The following MTFR1 variants were observed in gnomAD, a reference collection of about 807,000 sequenced individuals.
The protein encoded by MTFR1 is mitochondrial fission regulator 1.
MTFR1 carries 28 observed loss-of-function variants against 38.8 expected under a neutral mutation model. The observed-to-expected ratio is 0.72, with a 90% CI of 0.53 to 0.99. MTFR1 has a LOEUF of 0.99. Among genes scored for constraint, MTFR1 ranks in the 50% least tolerant of loss-of-function variants. The pLI, the probability that MTFR1 is intolerant of heterozygous loss-of-function variation, is 0.00. For missense variants in MTFR1, 358 were observed against 395.5 expected (o/e 0.91, Z 0.81); for synonymous variants, 145 against 137.0 (o/e 1.06, Z -0.41).
intron 3 of MTFR1, among the ~76,000 whole-genome samples, chr8:65,750,245 GCCGACACA>G (rs1261059849): frequency 6.6e-6 from 1 of 152,160 alleles, no homozygotes; most frequent in Non-Finnish European, 1.5e-5. Flanking sequence ...ATGCATTAGA[GCCGACACA>G]CTTAGAAAAC....
chr8:65,644,945 G>A (rs1355014176), intron 1 of MTFR1, among the ~76,000 whole-genome samples, 161 bp downstream of exon 1: 1 of 152,216 alleles, frequency 6.6e-6, no homozygotes, highest in Non-Finnish European at 1.5e-5. Context: ...CCGGTTGAGT[G>A]TTTGCCCCGC....
At chr8:65,698,448 G>A (rs925919427) in intron 4 of MTFR1, among the ~76,000 whole-genome samples, 3 of 151,694 alleles carry the variant, frequency 2.0e-5, no homozygotes, top group African/African-American at 4.8e-5. Flanking sequence ...CCTTAAATTC[G>A]TGATTCTTTT....
intron 3 of MTFR1, among the ~76,000 whole-genome samples, chr8:65,731,321 G>A (rs1229877090): frequency 1.3e-5 from 2 of 152,158 alleles, no homozygotes; most frequent in African/African-American, 4.8e-5. Context: ...AGGGAGGGAC[G>A]TGCAGGGCCA....
At chr8:65,775,272 T>C (rs999990751), downstream of MTFR1, among the ~76,000 whole-genome samples, 4 of 152,248 alleles carry the variant, frequency 2.6e-5, no homozygotes, top group African/African-American at 7.2e-5. Flanking sequence ...TACTAGTTCA[T>C]TGATTGCTGT....
chr8:65,660,564 G>T (rs1433888694), intron 1 of MTFR1, among the ~76,000 whole-genome samples: 7 of 152,162 alleles, frequency 4.6e-5, no homozygotes, highest in Non-Finnish European at 1.0e-4. Flanking sequence ...CCTCCCTCAG[G>T]CCTTCTCATC....
intron 1 of MTFR1, among the ~76,000 whole-genome samples, chr8:65,662,562 G>A (rs1443626825): frequency 7.5e-6 from 1 of 133,388 alleles, no homozygotes; most frequent in Admixed American, 7.6e-5. Flanking sequence ...GCCGCCCATC[G>A]TCTGGGATGT....
intron 3 of MTFR1, among the ~76,000 whole-genome samples, chr8:65,750,888 G>C (rs1049122388): frequency 6.6e-6 from 1 of 152,142 alleles, no homozygotes; most frequent in African/African-American, 2.4e-5. Flanking sequence ...AAGTTAAGCT[G>C]CAAATGAGTA....
intron 3 of MTFR1, among the ~76,000 whole-genome samples, chr8:65,687,539 G>T (rs1012458657): frequency 2.0e-5 from 3 of 151,800 alleles, no homozygotes; most frequent in Admixed American, 1.3e-4. Context: ...TAGAGACGGG[G>T]TTTCACCATG....
chr8:65,663,116 A>T (rs1456114235), intron 1 of MTFR1, among the ~76,000 whole-genome samples: 2 of 152,198 alleles, frequency 1.3e-5, no homozygotes, highest in Non-Finnish European at 2.9e-5. Flanking sequence ...AAAGATTGAG[A>T]TATCGGATGG....
chr8:65,665,437 C>CT (rs1367512481), intron 1 of MTFR1, among the ~76,000 whole-genome samples: 1 of 152,044 alleles, frequency 6.6e-6, no homozygotes, highest in African/African-American at 2.4e-5. Context: ...AGTCACAGAC[C>CT]TTTTTTAGTA....
chr8:65,708,161 G>A (rs368305908), intron 7 of MTFR1, 150 bp downstream of exon 7: 15 of 1,492,784 alleles, frequency 1.0e-5, no homozygotes, highest in Admixed American at 5.5e-5. Flanking sequence ...AGTAGATCAC[G>A]GCTGGTTGGG....
At chr8:65,676,653 C>T (rs978593405) in intron 2 of MTFR1, among the ~76,000 whole-genome samples, 5 of 152,120 alleles carry the variant, frequency 3.3e-5, no homozygotes, top group African/African-American at 9.7e-5. Context: ...CGTGAGCCAC[C>T]ACACCCAGCC....
At chr8:65,677,436 GCAGTGGCACGATGTCAGCTCA>G (rs1296914208) in intron 2 of MTFR1, among the ~76,000 whole-genome samples, 1 of 144,602 alleles carries the variant, frequency 6.9e-6, no homozygotes, top group African/African-American at 2.6e-5. Flanking sequence ...AGGCAGGAGT[GCAGTGGCACGATGTCAGCTCA>G]CGGCAACCTC....
intron 3 of MTFR1, chr8:65,682,895 A>G: frequency 1.0e-6 from 1 of 985,400 alleles, no homozygotes; most frequent in Non-Finnish European, 1.2e-6. Flanking sequence ...CAAGATCAGC[A>G]TTAATTATAG....
chr8:65,644,956 G>T (rs533347624), intron 1 of MTFR1, among the ~76,000 whole-genome samples, 172 bp downstream of exon 1: 1 of 152,352 alleles, frequency 6.6e-6, no homozygotes, highest in East Asian at 1.9e-4. Context: ...TTTGCCCCGC[G>T]GCCGGGAGGC....
chr8:65,682,316 C>A (rs1439877515), intron 2 of MTFR1, 37 bp from the exon 3 acceptor site: 3 of 1,101,380 alleles, frequency 2.7e-6, no homozygotes, highest in Non-Finnish European at 4.0e-6. Context: ...TTCTGTACAT[C>A]TTGTAATTAA....
intron 3 of MTFR1, among the ~76,000 whole-genome samples, chr8:65,690,728 T>C (rs1805251386): frequency 1.3e-5 from 2 of 152,188 alleles, no homozygotes; most frequent in South Asian, 4.1e-4. Context: ...AACAGAATTT[T>C]TATTTCTAAA....
intron 3 of MTFR1, among the ~76,000 whole-genome samples, chr8:65,737,502 T>TTAA (rs1345531024): frequency 1.3e-5 from 2 of 152,124 alleles, no homozygotes; most frequent in Non-Finnish European, 1.5e-5. Flanking sequence ...AATGGTTATA[T>TTAA]TAATTATTAT....
At chr8:65,662,352 G>A (rs1270362240) in intron 1 of MTFR1, among the ~76,000 whole-genome samples, 1 of 151,876 alleles carries the variant, frequency 6.6e-6, no homozygotes, top group African/African-American at 2.4e-5. Flanking sequence ...CGCCAGCCTC[G>A]GCCTCCCGAG....
Sources: allele counts gnomAD v4.1 joint callset (sites outside exome capture counted in the v4.1 genomes callset), GRCh38; gene constraint gnomAD v4.1.1; transcripts MANE v1.5; gene names NCBI Gene and HGNC (gene_info 2026-07-23, HGNC 2026-07-21).